The following KCTD5 variants were observed in gnomAD, a reference collection of about 807,000 sequenced individuals.
The protein encoded by KCTD5 is potassium channel tetramerization domain containing 5, also known as BTB/POZ domain-containing protein KCTD5.
KCTD5 carries 12 observed loss-of-function variants against 27.9 expected under a neutral mutation model. The ratio of observed to expected loss-of-function variants is 0.43; its 90% CI spans 0.28 to 0.70. KCTD5 has a LOEUF of 0.70. Ranked by LOEUF, KCTD5 falls within the 30% of genes least tolerant of loss-of-function variation. The probability of loss-of-function intolerance (pLI) is 0.19; values close to 1 mark genes in which losing one functional copy is unlikely to be tolerated. For missense variants in KCTD5, 226 were observed against 274.8 expected (o/e 0.82, Z 1.26); for synonymous variants, 147 against 121.4 (o/e 1.21, Z -1.39).
chr16:2,703,099 G>A (rs1425658351), intron 5 of KCTD5, among the ~76,000 whole-genome samples: 1 of 152,216 alleles, frequency 6.6e-6, no homozygotes, highest in Non-Finnish European at 1.5e-5. Context: ...CTGCGGGGCA[G>A]GCAGCTGGGG....
At chr16:2,700,638 T>TGG (rs141307822) in intron 4 of KCTD5, among the ~76,000 whole-genome samples, 1 of 152,132 alleles carries the variant, frequency 6.6e-6, no homozygotes, top group South Asian at 2.1e-4. Context: ...CTCCCTGTCC[T>TGG]GAGTTTCCTC....
chr16:2,705,120 G>A (rs539758186), intron 5 of KCTD5, among the ~76,000 whole-genome samples: 1 of 152,180 alleles, frequency 6.6e-6, no homozygotes, highest in Non-Finnish European at 1.5e-5. Context: ...CCCACTGCGC[G>A]CTGCACGCCG....
At chr16:2,703,817 A>G (rs571910805) in intron 5 of KCTD5, among the ~76,000 whole-genome samples, 1 of 151,980 alleles carries the variant, frequency 6.6e-6, no homozygotes, top group African/African-American at 2.4e-5. Flanking sequence ...CCGGGGTGGA[A>G]GCTGGGGTTC....
chr16:2,702,533 C>T (rs2067617056), intron 5 of KCTD5, 55 bp downstream of exon 5: 3 of 1,580,528 alleles, frequency 1.9e-6, no homozygotes, highest in Non-Finnish European at 1.7e-6. Flanking sequence ...AAGGCTCTTG[C>T]CCTCTCAGAC....
At position 2,707,642 on chromosome 16, in the gene KCTD5, T is replaced by G; in HGVS notation, c.*315T>G. The G allele has an allele frequency of 3.4e-6, 2 of 595,618 alleles. No homozygotes were observed. Among genetic ancestry groups the G allele is most frequent in the Non-Finnish European group, 6.0e-6 (2 of 334,670 alleles). 36.9% of individuals were successfully genotyped at this position (595,618 alleles called of 1,614,324 possible). A position where few individuals can be genotyped will look rare whatever the true frequency, so the allele number is the denominator to read the frequency against. On this transcript the variant is annotated 3_prime_UTR_variant, in exon 6 of 6. Coordinates refer to ENST00000301738, the MANE Select transcript of KCTD5 (RefSeq NM_018992.4). ...CAGTCAGCCCGCTCGATCCTGAAGATCGTGTGAAGGAAGCGTTCTTGGTGC... is the reference window on the plus strand; with the variant it reads ...CAGTCAGCCCGCTCGATCCTGAAGAGCGTGTGAAGGAAGCGTTCTTGGTGC...
chr16:2,690,190 G>A (rs1350359096), intron 1 of KCTD5, among the ~76,000 whole-genome samples: 1 of 152,264 alleles, frequency 6.6e-6, no homozygotes, highest in Non-Finnish European at 1.5e-5. Flanking sequence ...CGGCTGCCCT[G>A]TGGACCTGGG....
intron 4 of KCTD5, 125 bp downstream of exon 4, chr16:2,700,041 G>A: frequency 1.2e-6 from 1 of 868,968 alleles, no homozygotes; most frequent in East Asian, 2.7e-5. Flanking sequence ...AGTTCTGGGG[G>A]TGCTCACGGC....
intron 3 of KCTD5, 40 bp from the exon 4 acceptor site, chr16:2,699,781 A>G (rs374089614): frequency 1.7e-5 from 27 of 1,591,566 alleles, no homozygotes; most frequent in Non-Finnish European, 2.3e-5. Context: ...GCAGTGGGAC[A>G]TGGGTGGCCC....
chr16:2,693,059 G>A (rs749424609), intron 1 of KCTD5, among the ~76,000 whole-genome samples: 2 of 152,332 alleles, frequency 1.3e-5, no homozygotes, highest in East Asian at 1.9e-4. Context: ...CCCGAGGCCC[G>A]GGAACCTGAC....
At chr16:2,701,041 A>G (rs2067609667) in intron 4 of KCTD5, among the ~76,000 whole-genome samples, 1 of 152,082 alleles carries the variant, frequency 6.6e-6, no homozygotes, top group South Asian at 2.1e-4. Flanking sequence ...GGGCCCTGGG[A>G]AGCCGTGTCA....
chr16:2,692,164 C>T (rs948701560), intron 1 of KCTD5, among the ~76,000 whole-genome samples: 2 of 152,214 alleles, frequency 1.3e-5, no homozygotes, highest in South Asian at 2.1e-4. Flanking sequence ...CAAAGCTCCA[C>T]GTCCCTGTGT....
chr16:2,688,230 T>A (rs1437986788), intron 1 of KCTD5, among the ~76,000 whole-genome samples: 1 of 82,862 alleles, frequency 1.2e-5, no homozygotes, highest in Non-Finnish European at 2.5e-5. Flanking sequence ...AATAAATAAA[T>A]ATATATATAT....
At chr16:2,705,062 G>A (rs1596226609) in intron 5 of KCTD5, among the ~76,000 whole-genome samples, 1 of 152,218 alleles carries the variant, frequency 6.6e-6, no homozygotes, top group African/African-American at 2.4e-5. Context: ...GGGGGTTTGG[G>A]CCCGGGGCAC....
intron 2 of KCTD5, among the ~76,000 whole-genome samples, chr16:2,696,955 A>G (rs2067588929): frequency 6.6e-6 from 1 of 152,156 alleles, no homozygotes; most frequent in Non-Finnish European, 1.5e-5. Context: ...GCTTTATCTC[A>G]TTCTGCCCCT....
At chr16:2,699,659 G>A (rs548834042) in intron 3 of KCTD5, among the ~76,000 whole-genome samples, 162 bp from the exon 4 acceptor site, 8 of 152,344 alleles carry the variant, frequency 5.3e-5, no homozygotes, top group African/African-American at 1.9e-4. Context: ...TTCGGGCCGC[G>A]TGTTTTGCTT....
chr16:2,703,049 A>C (rs1405098256), intron 5 of KCTD5, among the ~76,000 whole-genome samples: 2 of 152,152 alleles, frequency 1.3e-5, no homozygotes, highest in Non-Finnish European at 2.9e-5. Context: ...GCCTGGCAGC[A>C]CCGGCGCAGA....
chr16:2,690,158 C>T (rs1270191947), intron 1 of KCTD5, among the ~76,000 whole-genome samples: 1 of 152,256 alleles, frequency 6.6e-6, no homozygotes, highest in East Asian at 1.9e-4. Context: ...GAGTGTTGCT[C>T]TCCTGACCAG....
chr16:2,697,455 G>A (rs1246465896), intron 2 of KCTD5, among the ~76,000 whole-genome samples: 2 of 152,230 alleles, frequency 1.3e-5, no homozygotes, highest in African/African-American at 2.4e-5. Flanking sequence ...CCGCAGGCCT[G>A]AGCCCCACAC....
At chr16:2,690,433 C>T (rs2067561159) in intron 1 of KCTD5, among the ~76,000 whole-genome samples, 1 of 152,244 alleles carries the variant, frequency 6.6e-6, no homozygotes, top group Non-Finnish European at 1.5e-5. Flanking sequence ...CCAGCTTGGG[C>T]CCGGCCACAA....
Sources: allele counts gnomAD v4.1 joint callset (sites outside exome capture counted in the v4.1 genomes callset), GRCh38; gene constraint gnomAD v4.1.1; transcripts MANE v1.5; gene names NCBI Gene and HGNC (gene_info 2026-07-23, HGNC 2026-07-21).